RGPD2: variants seen among roughly 807,000 people sequenced by gnomAD.
The protein encoded by RGPD2 is RANBP2-like and GRIP domain-containing protein 2.
In RGPD2, 2 loss-of-function variants were observed where a neutral mutation model predicts 36.0. The observed-to-expected ratio is 0.06, with a 90% CI of 0.02 to 0.17. The LOEUF (loss-of-function observed/expected upper bound fraction) is 0.17. Among genes scored for constraint, RGPD2 ranks in the 10% least tolerant of loss-of-function variants. The pLI is 1.00. For missense variants in RGPD2, 40 were observed against 464.3 expected (o/e 0.09, Z 8.40); for synonymous variants, 19 against 163.8 (o/e 0.12, Z 6.75).
At chr2:87,883,479 A>T in the RGPD2 span, among the ~76,000 whole-genome samples, 1 of 152,126 alleles carries the variant, frequency 6.6e-6, no homozygotes. Flanking sequence ...ATTACAAAAA[A>T]AAAGTATATG....
chr2:87,835,986 A>G, the RGPD2 span, among the ~76,000 whole-genome samples: 2 of 143,904 alleles, frequency 1.4e-5, no homozygotes, highest in Non-Finnish European at 3.0e-5. Flanking sequence ...TTTTCTTTTT[A>G]TATCTTCTGC....
the RGPD2 span, among the ~76,000 whole-genome samples, chr2:87,970,374 C>T: frequency 1.3e-5 from 2 of 151,412 alleles, no homozygotes; most frequent in Non-Finnish European, 2.9e-5. Flanking sequence ...AGTTCCTCCA[C>T]CTATTTTGTA....
the RGPD2 span, among the ~76,000 whole-genome samples, chr2:87,872,777 C>T: frequency 1.3e-5 from 2 of 151,074 alleles, no homozygotes; most frequent in Admixed American, 6.6e-5. Flanking sequence ...TTATTTTTTC[C>T]GAGGCAGGGT....
the RGPD2 span, among the ~76,000 whole-genome samples, chr2:87,867,645 T>C: frequency 6.6e-6 from 1 of 152,164 alleles, no homozygotes; most frequent in East Asian, 1.9e-4. Context: ...AGGTTTTTAA[T>C]TTGGTAGTTT....
the RGPD2 span, among the ~76,000 whole-genome samples, chr2:87,887,215 A>G: frequency 6.6e-6 from 1 of 151,890 alleles, no homozygotes; most frequent in African/African-American, 2.4e-5. Context: ...TGTAAAAATG[A>G]TAATACCTCA....
the RGPD2 span, among the ~76,000 whole-genome samples, chr2:87,861,585 A>T: frequency 6.6e-6 from 1 of 152,182 alleles, no homozygotes; most frequent in Admixed American, 6.6e-5. Flanking sequence ...CTTGTTCAAG[A>T]TATTAAAGAG....
intron 20 of RGPD2, among the ~76,000 whole-genome samples, chr2:87,781,828 C>T (rs1294636302): frequency 7.9e-6 from 1 of 126,764 alleles, no homozygotes; most frequent in Admixed American, 8.9e-5. Flanking sequence ...TAAAAAAAGA[C>T]TCACGTTAAT....
chr2:87,809,159 G>A (rs1336322905), intron 6 of RGPD2, among the ~76,000 whole-genome samples: 1 of 150,976 alleles, frequency 6.6e-6, no homozygotes, highest in African/African-American at 2.4e-5. Context: ...CAAAAAATTA[G>A]CTGGGTGTGG....
At chr2:87,806,161 C>CA (rs1343485198) in intron 7 of RGPD2, among the ~76,000 whole-genome samples, 1 of 131,408 alleles carries the variant, frequency 7.6e-6, no homozygotes, top group Non-Finnish European at 1.6e-5. Context: ...GACTTGGTCT[C>CA]AAAAAAAATA....
chr2:87,952,867 T>A, the RGPD2 span, among the ~76,000 whole-genome samples: 13 of 150,948 alleles, frequency 8.6e-5, no homozygotes, highest in African/African-American at 2.9e-4. Context: ...TTTCTTTCTT[T>A]GGGTGTTTTG....
chr2:87,824,017 ATTTTT>A (rs984382429), intron 1 of RGPD2, among the ~76,000 whole-genome samples: 1 of 140,718 alleles, frequency 7.1e-6, no homozygotes, highest in African/African-American at 2.8e-5. Context: ...AGAATTATAT[ATTTTT>A]TTATTTTTTT....
the RGPD2 span, among the ~76,000 whole-genome samples, chr2:87,915,289 T>TCC: frequency 1.5e-5 from 2 of 137,462 alleles, no homozygotes; most frequent in Non-Finnish European, 1.5e-5. Flanking sequence ...TATATATATA[T>TCC]GTATATTATA....
At chr2:87,976,406 G>T in the RGPD2 span, among the ~76,000 whole-genome samples, 2 of 152,188 alleles carry the variant, frequency 1.3e-5, no homozygotes, top group Non-Finnish European at 1.5e-5. Flanking sequence ...ATCAGGATCA[G>T]TACCAAGGTT....
chr2:87,854,855 A>T, the RGPD2 span, among the ~76,000 whole-genome samples: 1 of 152,236 alleles, frequency 6.6e-6, no homozygotes, highest in South Asian at 2.1e-4. Context: ...GTTATTTCCC[A>T]GCTTTATTGA....
At chr2:87,915,662 A>G in the RGPD2 span, among the ~76,000 whole-genome samples, 2,986 of 145,610 alleles carry the variant, frequency 0.021, 136 homozygotes, top group African/African-American at 0.07. Flanking sequence ...ATATGTGTGT[A>G]TATATATATA....
chr2:87,915,361 A>G, the RGPD2 span, among the ~76,000 whole-genome samples: 860 of 90,646 alleles, frequency 9.5e-3, 31 homozygotes, highest in Admixed American at 0.014. Context: ...TATATATTAT[A>G]TATATATGTA....
chr2:87,957,621 TCA>T, the RGPD2 span, among the ~76,000 whole-genome samples: 2 of 152,156 alleles, frequency 1.3e-5, no homozygotes, highest in Non-Finnish European at 2.9e-5. Flanking sequence ...CATGACCTAA[TCA>T]CATCCCATAG....
the RGPD2 span, among the ~76,000 whole-genome samples, chr2:87,945,080 AG>A: frequency 3.9e-5 from 6 of 151,922 alleles, no homozygotes; most frequent in Non-Finnish European, 5.9e-5. Context: ...ATTCATAAAC[AG>A]GAACACAAAA....
the RGPD2 span, among the ~76,000 whole-genome samples, chr2:87,883,814 C>A: frequency 6.6e-6 from 1 of 151,976 alleles, no homozygotes; most frequent in Non-Finnish European, 1.5e-5. Flanking sequence ...AATAATAAAT[C>A]GAAAGGAGAC....
Sources: allele counts gnomAD v4.1 joint callset (sites outside exome capture counted in the v4.1 genomes callset), GRCh38; gene constraint gnomAD v4.1.1; transcripts MANE v1.5; gene names NCBI Gene and HGNC (gene_info 2026-07-23, HGNC 2026-07-21).